Variants in FGF13 observed in about 807,000 individuals in gnomAD.
FGF13 encodes fibroblast growth factor homologous factor 2.
A neutral mutation model predicts 19.5 loss-of-function variants in FGF13; 2 were observed. That is an observed-to-expected ratio of 0.10 (90% CI 0.04 to 0.32). FGF13 has a LOEUF of 0.32. Ranked by LOEUF, FGF13 falls within the 10% of genes least tolerant of loss-of-function variation. The pLI, the probability that FGF13 is intolerant of heterozygous loss-of-function variation, is 1.00. For synonymous variants in FGF13, 72 were observed against 76.9 expected (o/e 0.94, Z 0.33); for missense variants, 113 against 192.7 (o/e 0.59, Z 2.45).
intron 3 of FGF13, among the ~76,000 whole-genome samples, chrX:138,684,046 G>A (rs1042566845): frequency 9.0e-6 from 1 of 111,467 alleles, no homozygotes; most frequent in Non-Finnish European, 1.9e-5. Flanking sequence ...TTTCAAATAT[G>A]ATCCCCTGGC....
intron 3 of FGF13, among the ~76,000 whole-genome samples, chrX:138,809,298 A>AT (rs2090901051): frequency 8.9e-6 from 1 of 112,178 alleles, no homozygotes; most frequent in Non-Finnish European, 1.9e-5. Context: ...AACATATGCA[A>AT]ATCAATAAAT....
intron 3 of FGF13, among the ~76,000 whole-genome samples, chrX:138,676,384 T>C (rs2089666556): frequency 9.0e-6 from 1 of 111,190 alleles, no homozygotes; most frequent in Non-Finnish European, 1.9e-5. Context: ...CAAAGACATG[T>C]TAAAACATGA....
intron 3 of FGF13, among the ~76,000 whole-genome samples, chrX:138,674,235 T>C (rs1429475943): frequency 9.0e-5 from 10 of 111,266 alleles, no homozygotes; most frequent in Non-Finnish European, 1.9e-4. Flanking sequence ...CTCAACTCTA[T>C]GACTATAGTT....
At chrX:138,742,489 G>GCT (rs10605205), upstream of FGF13, among the ~76,000 whole-genome samples, 457 of 103,740 alleles carry the variant, frequency 4.4e-3, 4 homozygotes, top group Admixed American at 9.1e-3. Context: ...TCAGCAAGGG[G>GCT]CTCTCTCTCT....
At chrX:139,039,638 A>C in intron 1 of FGF13, among the ~76,000 whole-genome samples, 1 of 111,771 alleles carries the variant, frequency 8.9e-6, no homozygotes, top group Non-Finnish European at 1.9e-5. Flanking sequence ...GGAATAAGGA[A>C]GACAAAGCTA....
intron 1 of FGF13, among the ~76,000 whole-genome samples, chrX:139,061,966 T>C (rs1421899744): frequency 9.0e-6 from 1 of 111,663 alleles, no homozygotes; most frequent in African/African-American, 3.3e-5. Flanking sequence ...ATTTTGAACA[T>C]TTACACCTTA....
chrX:138,987,762 C>T (rs762985853), intron 1 of FGF13, among the ~76,000 whole-genome samples: 51 of 111,828 alleles, frequency 4.6e-4, no homozygotes, highest in Non-Finnish European at 8.1e-4. Flanking sequence ...GTTTTCTTAA[C>T]GGCTATTATG....
At chrX:139,144,795 A>G (rs978957742) in intron 1 of FGF13, among the ~76,000 whole-genome samples, 1 of 111,626 alleles carries the variant, frequency 9.0e-6, no homozygotes, top group Admixed American at 9.6e-5. Context: ...CTTGGGGGAA[A>G]AAAACAGTAC....
chrX:138,992,489 T>C (rs2092021041), intron 1 of FGF13, among the ~76,000 whole-genome samples: 1 of 111,432 alleles, frequency 9.0e-6, no homozygotes, highest in Admixed American at 9.6e-5. Flanking sequence ...ATTTTTACAC[T>C]TATTTAGCTG....
intron 3 of FGF13, among the ~76,000 whole-genome samples, chrX:138,660,779 G>A (rs2124150539): frequency 9.0e-6 from 1 of 111,183 alleles, no homozygotes; most frequent in East Asian, 2.8e-4. Flanking sequence ...AGTAACCATC[G>A]TTGTACCCTC....
intron 1 of FGF13, among the ~76,000 whole-genome samples, chrX:138,983,028 T>C (rs754921843): frequency 1.7e-4 from 19 of 112,072 alleles, no homozygotes; most frequent in African/African-American, 5.8e-4. Flanking sequence ...TCGTATCAGA[T>C]ATATAGTTTG....
chrX:138,984,248 A>G (rs1471604662), intron 1 of FGF13, among the ~76,000 whole-genome samples: 1 of 109,160 alleles, frequency 9.2e-6, no homozygotes, highest in East Asian at 2.9e-4. Context: ...TCTTTACTAA[A>G]AATACAAAAA....
At chrX:138,746,150 G>A (rs1327283222) in intron 3 of FGF13, among the ~76,000 whole-genome samples, 1 of 111,722 alleles carries the variant, frequency 9.0e-6, no homozygotes, top group East Asian at 2.8e-4. Flanking sequence ...TGAAGAAATA[G>A]GCAGGGAATA....
At chrX:139,151,424 A>T (rs1175388068) in intron 1 of FGF13, among the ~76,000 whole-genome samples, 1 of 112,068 alleles carries the variant, frequency 8.9e-6, no homozygotes, top group East Asian at 2.8e-4. Flanking sequence ...TTATCATTTA[A>T]TTCTAATAAC....
intron 1 of FGF13, among the ~76,000 whole-genome samples, chrX:139,092,049 T>A (rs2083442780): frequency 9.0e-6 from 1 of 111,369 alleles, no homozygotes; most frequent in African/African-American, 3.3e-5. Context: ...TAGGAGGCTA[T>A]CTGTTGCAAT....
In FGF13 at chrX:139,008,970, G is replaced by A. The variant is rs966315079; in HGVS notation, c.-112-144320C>T. On this transcript the variant is annotated intron_variant, in intron 1 of 2. Coordinates refer to the FGF13 transcript ENST00000421460. The stretch of plus-strand genomic sequence containing the variant: ...CAAAAACATGATCCAGAAAATGAAA[G>A]GAAAATTCTTCAGTGAAATAGAATA... Among the ~76,000 whole-genome samples the A allele has an allele frequency of 9.9e-5, 11 of 111,107 alleles. No homozygotes were observed. In the South Asian group the frequency reaches 1.1e-3, roughly 12 times the overall value.
intron 3 of FGF13, among the ~76,000 whole-genome samples, chrX:138,671,139 G>A (rs960742291): frequency 2.7e-5 from 3 of 111,068 alleles, no homozygotes; most frequent in African/African-American, 9.8e-5. Context: ...GGAAATAAAT[G>A]TATATTTCAA....
At chrX:138,980,278 T>G (rs777786100) in intron 1 of FGF13, among the ~76,000 whole-genome samples, 10 of 111,318 alleles carry the variant, frequency 9.0e-5, no homozygotes, top group Non-Finnish European at 1.7e-4. Context: ...ACCCATTCCT[T>G]TTAATCCCCG....
intron 3 of FGF13, among the ~76,000 whole-genome samples, chrX:138,761,159 A>G (rs757743941): frequency 3.6e-5 from 4 of 111,843 alleles, no homozygotes. Context: ...AATGTGCCTG[A>G]AAGAACTTCA....
Sources: gnomAD v4.1 joint callset for allele counts (sites outside exome capture counted in the v4.1 genomes callset) on GRCh38, gnomAD v4.1.1 for gene constraint, MANE v1.5 for transcripts, NCBI Gene and HGNC (gene_info 2026-07-23, HGNC 2026-07-21) for gene names.